ADAMTS12: variants seen among roughly 807,000 people sequenced by gnomAD.
The protein encoded by ADAMTS12 is A disintegrin and metalloproteinase with thrombospondin motifs 12.
ADAMTS12 carries 118 observed loss-of-function variants against 167.8 expected under a neutral mutation model. The ratio of observed to expected loss-of-function variants is 0.70; its 90% CI spans 0.61 to 0.82. The LOEUF (loss-of-function observed/expected upper bound fraction) is 0.82. Ranked by LOEUF, ADAMTS12 falls within the 40% of genes least tolerant of loss-of-function variation. ADAMTS12 has a pLI of 0.00. For synonymous variants in ADAMTS12, 704 were observed against 716.9 expected (o/e 0.98, Z 0.29); for missense variants, 1,916 against 1,998.8 (o/e 0.96, Z 0.79).
intron 2 of ADAMTS12, among the ~76,000 whole-genome samples, chr5:33,876,405 A>G (rs560500434): frequency 6.6e-6 from 1 of 152,360 alleles, no homozygotes; most frequent in East Asian, 1.9e-4. Flanking sequence ...ATATAGCTAC[A>G]GTTATGAAGA....
intron 5 of ADAMTS12, among the ~76,000 whole-genome samples, chr5:33,680,785 C>T (rs1470955848): frequency 6.6e-6 from 1 of 152,140 alleles, no homozygotes; most frequent in Non-Finnish European, 1.5e-5. Context: ...ATGCAAAAAA[C>T]TGATGCAGCT....
chr5:33,528,473 C>T (rs888656794), intron 23 of ADAMTS12, among the ~76,000 whole-genome samples: 6 of 152,204 alleles, frequency 3.9e-5, no homozygotes, highest in African/African-American at 9.7e-5. Flanking sequence ...ACCCGAGTGT[C>T]GGGGTGCTTT....
intron 9 of ADAMTS12, among the ~76,000 whole-genome samples, chr5:33,648,547 G>A (rs1448751422): frequency 6.6e-6 from 1 of 152,190 alleles, no homozygotes; most frequent in South Asian, 2.1e-4. Context: ...GAGTCTGCAG[G>A]TGTGAATCAC....
At chr5:33,758,328 T>C (rs941723497) in intron 2 of ADAMTS12, among the ~76,000 whole-genome samples, 1 of 151,278 alleles carries the variant, frequency 6.6e-6, no homozygotes, top group Non-Finnish European at 1.5e-5. Context: ...CCCAGACAGA[T>C]GGGAGGAATG....
chr5:33,608,560 T>C (rs1199075601), intron 16 of ADAMTS12, among the ~76,000 whole-genome samples: 42 of 152,162 alleles, frequency 2.8e-4, no homozygotes, highest in Admixed American at 2.8e-3. Flanking sequence ...GACTCTCTGA[T>C]AGTGGCAAAG....
chr5:33,607,930 A>C (rs553568586), intron 16 of ADAMTS12, among the ~76,000 whole-genome samples: 28 of 152,352 alleles, frequency 1.8e-4, no homozygotes, highest in African/African-American at 6.5e-4. Flanking sequence ...ATACTAACAC[A>C]TATATAAAGC....
intron 3 of ADAMTS12, among the ~76,000 whole-genome samples, chr5:33,744,225 A>G (rs1018768866): frequency 3.9e-5 from 6 of 152,182 alleles, no homozygotes; most frequent in Non-Finnish European, 5.9e-5. Flanking sequence ...GTAGGGTATG[A>G]AGTAGGTAGT....
intron 5 of ADAMTS12, among the ~76,000 whole-genome samples, chr5:33,679,073 C>T (rs1050957868): frequency 2.0e-5 from 3 of 152,140 alleles, no homozygotes; most frequent in South Asian, 4.1e-4. Context: ...AACCGAAGTG[C>T]GAGTGGAAGT....
At chr5:33,556,776 A>G (rs759110444) in intron 20 of ADAMTS12, among the ~76,000 whole-genome samples, 1 of 152,192 alleles carries the variant, frequency 6.6e-6, no homozygotes, top group Non-Finnish European at 1.5e-5. Flanking sequence ...GCCCAGAGAG[A>G]AAGAAAGAGT....
intron 15 of ADAMTS12, among the ~76,000 whole-genome samples, chr5:33,615,298 G>A (rs1276424566): frequency 1.3e-5 from 2 of 152,090 alleles, no homozygotes; most frequent in Admixed American, 6.6e-5. Flanking sequence ...TAACTCCTTG[G>A]CCATCTCTCA....
rs764423821 is a variant in ADAMTS12 at position 33,658,300 on chromosome 5, G to T, written c.1074C>A (p.Cys358Ter). ...AAAGGTGAGACAGGCCCAGGGTCTC[G>T]CAGGGGCGATTGAAACCAGCACAGA... The part of the protein sequence containing the change: ...KDICAGFNRP[C>*]ETLGLSHLSG... Residue 358 changes from cysteine to a stop codon, truncating the protein, a stop_gained, in exon 7 of 24, where the codon TGC (cysteine) becomes TGA (stop). Coordinates refer to ENST00000504830, the MANE Select transcript of ADAMTS12 (RefSeq NM_030955.4). LOFTEE classifies it high-confidence loss of function. 2 of 1,613,550 alleles carry T rather than the reference G, an allele frequency of 1.2e-6. No individual in the cohort carries two copies. Among genetic ancestry groups the T allele is most frequent in the Non-Finnish European group, 1.7e-6 (2 of 1,179,674 alleles).
intron 3 of ADAMTS12, among the ~76,000 whole-genome samples, chr5:33,729,882 G>A (rs1343161223): frequency 6.6e-6 from 1 of 152,168 alleles, no homozygotes; most frequent in Non-Finnish European, 1.5e-5. Context: ...ATTTGTGTGT[G>A]GATTATGAAT....
chr5:33,588,242 T>C (rs1164285206), intron 18 of ADAMTS12, among the ~76,000 whole-genome samples: 2 of 152,208 alleles, frequency 1.3e-5, no homozygotes, highest in East Asian at 3.9e-4. Context: ...GTCAATGTTT[T>C]ATAAACCACT....
At chr5:33,597,259 C>T (rs563010727) in intron 16 of ADAMTS12, among the ~76,000 whole-genome samples, 1 of 152,342 alleles carries the variant, frequency 6.6e-6, no homozygotes, top group East Asian at 1.9e-4. Context: ...AGAAGCAACT[C>T]AGCATCTCCC....
At chr5:33,803,387 A>T (rs1047023047) in intron 2 of ADAMTS12, among the ~76,000 whole-genome samples, 9 of 152,338 alleles carry the variant, frequency 5.9e-5, no homozygotes, top group Admixed American at 2.0e-4. Context: ...CTAAAGTGGT[A>T]AATGCTACCT....
At chr5:33,584,758 G>A (rs1333106188) in intron 18 of ADAMTS12, among the ~76,000 whole-genome samples, 2 of 152,128 alleles carry the variant, frequency 1.3e-5, no homozygotes, top group Non-Finnish European at 2.9e-5. Context: ...TGCCAGGGCT[G>A]GAAAACCTAG....
chr5:33,552,728 T>A (rs924199740), intron 20 of ADAMTS12, among the ~76,000 whole-genome samples: 1 of 152,242 alleles, frequency 6.6e-6, no homozygotes. Flanking sequence ...TGTTGGCCCA[T>A]GTGTCTGTTT....
chr5:33,734,910 T>A (rs1043024037), intron 3 of ADAMTS12, among the ~76,000 whole-genome samples: 10 of 152,250 alleles, frequency 6.6e-5, no homozygotes, highest in African/African-American at 2.2e-4. Context: ...CCAGCACTTC[T>A]GATTCCCACC....
intron 2 of ADAMTS12, among the ~76,000 whole-genome samples, chr5:33,805,731 G>A (rs993003834): frequency 2.0e-5 from 3 of 152,004 alleles, no homozygotes; most frequent in Non-Finnish European, 4.4e-5. Context: ...TGTATGCTGT[G>A]AAGGAAAAAA....
Sources: allele counts gnomAD v4.1 joint callset (sites outside exome capture counted in the v4.1 genomes callset), GRCh38; gene constraint gnomAD v4.1.1; transcripts MANE v1.5; gene names NCBI Gene and HGNC (gene_info 2026-07-23, HGNC 2026-07-21).